The following SLC26A9 variants were observed in gnomAD, a reference collection of about 807,000 sequenced individuals.
The protein encoded by SLC26A9 is anion transporter/exchanger protein 9.
A neutral mutation model predicts 87.1 loss-of-function variants in SLC26A9; 46 were observed. The observed-to-expected ratio is 0.53, with a 90% CI of 0.42 to 0.67. The LOEUF (loss-of-function observed/expected upper bound fraction) is 0.67, where lower values mean the gene tolerates loss of function less well. SLC26A9 is among the 30% of genes least tolerant of loss of function. The pLI is 0.00. For synonymous variants in SLC26A9, 437 were observed against 409.1 expected, an observed-to-expected ratio of 1.07 and a Z score of -0.82; for missense variants, 927 against 1,018.3, an observed-to-expected ratio of 0.91 and a Z score of 1.22.
intron 11 of SLC26A9, among the ~76,000 whole-genome samples, 167 bp from the exon 12 acceptor site, chr1:205,926,797 G>C (rs1209769026): frequency 6.6e-6 from 1 of 152,178 alleles, no homozygotes; most frequent in East Asian, 1.9e-4. Context: ...GAAAGTGCTG[G>C]CGTTAGAGCC....
chr1:205,923,641 A>T, intron 13 of SLC26A9, 28 bp from the exon 14 acceptor site: 1 of 1,613,754 alleles, frequency 6.2e-7, no homozygotes, highest in Non-Finnish European at 8.5e-7. Flanking sequence ...AGAAAAACAT[A>T]AGAGAATGCT....
intron 1 of SLC26A9, among the ~76,000 whole-genome samples, chr1:205,936,535 C>T (rs972599433): frequency 6.6e-6 from 1 of 152,088 alleles, no homozygotes; most frequent in Admixed American, 6.5e-5. Flanking sequence ...GCTGACGTTC[C>T]AGGAGCTGAG....
chr1:205,923,296 T>G, intron 15 of SLC26A9, 39 bp downstream of exon 15: 1 of 1,612,934 alleles, frequency 6.2e-7, no homozygotes. Context: ...CCGGCCACTC[T>G]CTGTCCAGAG....
At chr1:205,916,074 C>T (rs1658579123) in intron 20 of SLC26A9, among the ~76,000 whole-genome samples, 1 of 150,652 alleles carries the variant, frequency 6.6e-6, no homozygotes, top group African/African-American at 2.4e-5. Flanking sequence ...GATGGTGATC[C>T]CTCATATCCA....
intron 20 of SLC26A9, among the ~76,000 whole-genome samples, chr1:205,916,640 CTA>C (rs900703497): frequency 6.6e-6 from 1 of 152,132 alleles, no homozygotes; most frequent in African/African-American, 2.4e-5. Context: ...CAGGTATTAC[CTA>C]TGTTTCCCCT....
rs1178797118 is a variant in SLC26A9, at chr1:205,929,801, T to A, written c.717+91A>T. On this transcript the variant is annotated intron_variant, in intron 6 of 20. Transcript: ENST00000367135. ...ACAACAGCTAAGCCAGCCCTTGCAATGAGGAGCTCACGACATCTTAAAACA... is the reference window on the plus strand; with the variant it reads ...ACAACAGCTAAGCCAGCCCTTGCAAAGAGGAGCTCACGACATCTTAAAACA... 7.7e-6 allele frequency: 11 copies of A among 1,433,366 alleles called. No individual in the cohort carries two copies. The East Asian group carries it at 2.1e-4, about 27-fold the overall frequency. The allele number at this position is 1,433,366 out of a possible 1,614,324, so 88.8% of individuals were successfully genotyped here. A position where few individuals can be genotyped will look rare whatever the true frequency, so the allele number is the denominator to read the frequency against.
At chr1:205,917,495 C>T in intron 19 of SLC26A9, 141 bp from the exon 20 acceptor site, 1 of 771,352 alleles carries the variant, frequency 1.3e-6, no homozygotes, top group Non-Finnish European at 2.2e-6. Context: ...TGCCCCTTCC[C>T]TTACCTGCCT....
At chr1:205,941,434 A>T (rs1391684966) in intron 1 of SLC26A9, among the ~76,000 whole-genome samples, 1 of 152,154 alleles carries the variant, frequency 6.6e-6, no homozygotes, top group East Asian at 1.9e-4. Flanking sequence ...GGCCTCCCAA[A>T]GTGCTGAGAT....
chr1:205,914,628 T>C lies in SLC26A9; in HGVS notation c.*729A>G, dbSNP rs1003325631. The C allele has an allele frequency of 1.9e-5, 8 of 421,342 alleles. No homozygotes were observed. Among genetic ancestry groups the C allele is most frequent in the African/African-American group, 1.6e-4 (8 of 50,642 alleles). 26.1% of individuals were successfully genotyped at this position (421,342 alleles called of 1,614,324 possible). A position where few individuals can be genotyped will look rare whatever the true frequency, so the allele number is the denominator to read the frequency against. On this transcript the variant is annotated 3_prime_UTR_variant, in exon 21 of 21. Coordinates refer to ENST00000367135, the MANE Select transcript of SLC26A9 (RefSeq NM_052934.4). ...TGAGGGCAGTGATGTTTCAGGAGGCTGAGGCAGAACCTTAGTGGGCTGTCC... is the reference window on the plus strand; with the variant it reads ...TGAGGGCAGTGATGTTTCAGGAGGCCGAGGCAGAACCTTAGTGGGCTGTCC...
Position 205,932,050 on chromosome 1 carries a change from C to T in SLC26A9, c.377-15G>A. On this transcript the variant is annotated splice_polypyrimidine_tract_variant and intron_variant, in intron 4 of 20. Transcript: ENST00000367135. ...GGCAAAGGTACCTGTGGTGCCCCACCCAGCCAGCAAAAATCAGAGGTTTGA... is the reference window on the plus strand; with the variant it reads ...GGCAAAGGTACCTGTGGTGCCCCACTCAGCCAGCAAAAATCAGAGGTTTGA... 1.9e-6 allele frequency: 3 copies of T among 1,612,602 alleles called. No individual in the cohort carries two copies. The highest frequency in any genetic ancestry group is 2.5e-6 in the Non-Finnish European group (3 of 1,179,278).
chr1:205,925,086 C>T (rs999365596), intron 12 of SLC26A9, among the ~76,000 whole-genome samples: 1 of 152,198 alleles, frequency 6.6e-6, no homozygotes, highest in African/African-American at 2.4e-5. Context: ...AGTCAGCACA[C>T]CCAGCCCCAA....
At chr1:205,929,183 A>T (rs540775342) in intron 7 of SLC26A9, 21 bp downstream of exon 7, 4 of 1,605,216 alleles carry the variant, frequency 2.5e-6, no homozygotes, top group Non-Finnish European at 3.4e-6. Flanking sequence ...CCAACATCCC[A>T]GCTCTGAACA....
At chr1:205,933,749 TGTGTG>T (rs1373319404) in intron 2 of SLC26A9, among the ~76,000 whole-genome samples, 2 of 152,224 alleles carry the variant, frequency 1.3e-5, no homozygotes, top group African/African-American at 4.8e-5. Flanking sequence ...CTATCCTTTA[TGTGTG>T]GTAACTCCAA....
rs2282430 is a variant in SLC26A9 at position 205,913,326 on chromosome 1, C to T, written c.*2031G>A. The stretch of plus-strand genomic sequence containing the variant: ...GTTTTCTTCAATGTCTTCCCTCTGC[C>T]TCATGTGTTTCCAATCTTACCTCCA... On this transcript the variant is annotated 3_prime_UTR_variant, in exon 21 of 21. Transcript: ENST00000367135. The T allele has an allele frequency of 0.086, 13,040 of 152,490 alleles. 899 individuals are homozygous for T. The highest frequency in any genetic ancestry group is 0.44 in the East Asian group (2,253 of 5,170). 9.4% of individuals were successfully genotyped at this position (152,490 alleles called of 1,614,324 possible).
intron 7 of SLC26A9, 86 bp from the exon 8 acceptor site, chr1:205,928,995 G>T: frequency 1.3e-6 from 2 of 1,541,676 alleles, no homozygotes; most frequent in Non-Finnish European, 1.8e-6. Flanking sequence ...TTTCTCTGGG[G>T]ACCCTGAATC....
chr1:205,920,042 G>T, intron 18 of SLC26A9, 134 bp downstream of exon 18: 1 of 933,376 alleles, frequency 1.1e-6, no homozygotes, highest in Non-Finnish European at 1.7e-6. Context: ...AAGCTTTTAT[G>T]AGCAGGCAGC....
At position 205,923,427 on chromosome 1, in the gene SLC26A9, C is replaced by A. The variant is rs780355658; in HGVS notation, c.1567G>T (p.Ala523Ser). Residue 523 changes from alanine to serine, a missense_variant and splice_region_variant, in exon 15 of 21, where the codon GCC becomes TCC. Coordinates refer to ENST00000367135, the MANE Select transcript of SLC26A9 (RefSeq NM_052934.4). Reference protein sequence around the residue: ...IYVNPKTYNRAQDIQGIKIIT... With the variant: ...IYVNPKTYNRSQDIQGIKIIT... ...ATTTTAATCCCCTGGATATCCTGGG[C>A]CTGTGACAGGGAGACTGAGCTCAAG... 1 of 1,614,104 alleles carries A rather than the reference C, an allele frequency of 6.2e-7. No individual in the cohort carries two copies. The highest frequency in any genetic ancestry group is 8.5e-7 in the Non-Finnish European group (1 of 1,180,014).
In SLC26A9 at chr1:205,928,830, C is replaced by A. The variant is rs765453026; in HGVS notation, c.950G>T (p.Arg317Leu). 1.2e-6 allele frequency: 2 copies of A among 1,614,112 alleles called. No homozygotes were observed. The highest frequency in any genetic ancestry group is 3.3e-5 in the Admixed American group (2 of 60,016). ...CTTCTGGGCCACCTGGACTCACCCG[C>A]GTTGGATTTCTCCCACGATCTGCAT... Reference protein sequence around the residue: ...YHMQIVGEIQRGFPTPVSPVV... With the variant: ...YHMQIVGEIQLGFPTPVSPVV... Residue 317 changes from arginine to leucine, a missense_variant, in exon 8 of 21, where the codon CGC (arginine) becomes CTC (leucine). Physicochemically the swap from Arg to Leu is moderately radical, Grantham distance 102. Coordinates refer to ENST00000367135, the MANE Select transcript of SLC26A9 (RefSeq NM_052934.4).
intron 20 of SLC26A9, among the ~76,000 whole-genome samples, chr1:205,917,079 T>G: frequency 7.2e-6 from 1 of 138,628 alleles, no homozygotes. Context: ...GGTGATAGAG[T>G]GAGACTTTGT....
Sources: allele counts gnomAD v4.1 joint callset (sites outside exome capture counted in the v4.1 genomes callset), GRCh38; gene constraint gnomAD v4.1.1; transcripts MANE v1.5; gene names NCBI Gene and HGNC (gene_info 2026-07-23, HGNC 2026-07-21).